TKT: variants seen among roughly 807,000 people sequenced by gnomAD.
TKT encodes epididymis luminal protein 107.
TKT carries 47 observed loss-of-function variants against 63.9 expected under a neutral mutation model. That is an observed-to-expected ratio of 0.74 (90% confidence interval 0.58 to 0.94). The LOEUF (loss-of-function observed/expected upper bound fraction) is 0.94, where lower values mean the gene tolerates loss of function less well. TKT is among the 40% of genes least tolerant of loss of function. TKT has a pLI of 0.00. For synonymous variants in TKT, 338 were observed against 334.1 expected (o/e 1.01, Z -0.13); for missense variants, 721 against 846.2 (o/e 0.85, Z 1.84).
At chr3:53,234,886 G>T (rs1183410304) in intron 5 of TKT, 97 bp downstream of exon 5, 3 of 1,296,212 alleles carry the variant, frequency 2.3e-6, no homozygotes, top group Non-Finnish European at 2.1e-6. Flanking sequence ...GGTGCTTAAG[G>T]TCCCAGCTTC....
At chr3:53,236,285 C>A (rs1457865368) in intron 4 of TKT, among the ~76,000 whole-genome samples, 1 of 152,248 alleles carries the variant, frequency 6.6e-6, no homozygotes, top group Non-Finnish European at 1.5e-5. Context: ...GGCCTCCCTG[C>A]CGCAGGGCCA....
intron 12 of TKT, chr3:53,227,196 C>A: frequency 3.9e-6 from 1 of 253,750 alleles, no homozygotes; most frequent in African/African-American, 2.3e-5. Context: ...GAGAAAACAC[C>A]CCAGGTGTCT....
At chr3:53,240,452 CAGA>C (rs1305557257) in intron 3 of TKT, 104 bp from the exon 4 acceptor site, 6 of 1,007,562 alleles carry the variant, frequency 6.0e-6, no homozygotes, top group Non-Finnish European at 7.3e-6. Context: ...CCTTCCTCTG[CAGA>C]AGGTCAGGCC....
At chr3:53,229,507 T>C (rs1230786256) in intron 8 of TKT, 71 bp from the exon 9 acceptor site, 42 of 1,508,790 alleles carry the variant, frequency 2.8e-5, no homozygotes, top group Non-Finnish European at 3.4e-5. Context: ...AGGACCCCTT[T>C]TGTGGAGAAA....
At chr3:53,235,439 G>T in intron 4 of TKT, 1 of 365,962 alleles carries the variant, frequency 2.7e-6, no homozygotes, top group Non-Finnish European at 5.0e-6. Flanking sequence ...AGAGGTCTAG[G>T]ACAACAGGGA....
chr3:53,254,458 T>TCCC (rs1553681975), intron 1 of TKT, among the ~76,000 whole-genome samples: 2,063 of 152,230 alleles, frequency 0.014, 42 homozygotes, highest in African/African-American at 0.047. Flanking sequence ...GAGAACAGGG[T>TCCC]GTCTTAGAGG....
intron 6 of TKT, 196 bp from the exon 7 acceptor site, chr3:53,231,746 C>T (rs1346312584): frequency 5.1e-6 from 3 of 592,642 alleles, no homozygotes; most frequent in African/African-American, 3.7e-5. Context: ...CTCCTACGTG[C>T]CCACCACTCA....
chr3:53,252,289 A>G (rs1705784161), intron 1 of TKT, among the ~76,000 whole-genome samples: 1 of 152,200 alleles, frequency 6.6e-6, no homozygotes, highest in Non-Finnish European at 1.5e-5. Flanking sequence ...CAGAGAGGGA[A>G]CAGTGGGCCT....
intron 1 of TKT, among the ~76,000 whole-genome samples, chr3:53,250,399 C>T (rs782080248): frequency 5.9e-5 from 9 of 152,266 alleles, no homozygotes; most frequent in South Asian, 2.1e-4. Context: ...TCAGCAACAG[C>T]GGGCGGTGGG....
chr3:53,241,201 A>G lies in TKT; in HGVS notation c.270T>C (p.Gly90=). The stretch of plus-strand genomic sequence containing the variant: ...TCAGCAGCTCCGCCTCGGCCAGGAA[A>G]CCAGCTTCAGCCCAGACCGCGTAGA... ...PILYAVWAEA[G]FLAEAELLNL... The change falls in exon 3 of 14, where the codon GGT becomes GGC. Residue 90 remains glycine, a synonymous_variant. Coordinates refer to ENST00000462138, the MANE Select transcript of TKT (RefSeq NM_001064.4). The G allele has an allele frequency of 6.3e-7, 1 of 1,597,630 alleles. No individual in the cohort carries two copies. Among genetic ancestry groups the G allele is most frequent in the Non-Finnish European group, 8.5e-7 (1 of 1,173,826 alleles).
At chr3:53,229,519 C>T in intron 8 of TKT, 83 bp from the exon 9 acceptor site, 1 of 1,438,606 alleles carries the variant, frequency 7.0e-7, no homozygotes, top group South Asian at 1.2e-5. Context: ...GTGGAGAAAG[C>T]CACAATTTGT....
chr3:53,241,384 G>A (rs1705268097), intron 2 of TKT, 139 bp from the exon 3 acceptor site: 1 of 683,774 alleles, frequency 1.5e-6, no homozygotes, highest in African/African-American at 1.9e-5. Context: ...GCAAGTGAAG[G>A]CCACTTCTCC....
At chr3:53,249,069 C>G (rs782811874) in intron 1 of TKT, among the ~76,000 whole-genome samples, 1 of 151,906 alleles carries the variant, frequency 6.6e-6, no homozygotes, top group Non-Finnish European at 1.5e-5. Context: ...CGGGTTCAAG[C>G]GATTCTCATG....
In TKT at chr3:53,235,140, G is replaced by A; in HGVS notation, c.472C>T (p.Leu158=). ...RVYCLLGDGE[L]SEGSVWEAMA... Reference sequence around the variant, plus strand: ...GCCTCCCATACAGAGCCCTCTGACAGCTCCCCGTCTCCCAGCAAGCAATAG... The same window carrying A: ...GCCTCCCATACAGAGCCCTCTGACAACTCCCCGTCTCCCAGCAAGCAATAG... Residue 158 remains leucine, a synonymous_variant, in exon 5 of 14, where the codon CTG becomes TTG. Coordinates refer to ENST00000462138, the MANE Select transcript of TKT (RefSeq NM_001064.4). The A allele has an allele frequency of 3.7e-6, 6 of 1,613,002 alleles. No homozygotes were observed. The highest frequency in any genetic ancestry group is 5.1e-6 in the Non-Finnish European group (6 of 1,179,644).
chr3:53,241,489 G>C (rs1409708240), intron 2 of TKT, among the ~76,000 whole-genome samples: 1 of 152,274 alleles, frequency 6.6e-6, no homozygotes, highest in Non-Finnish European at 1.5e-5. Flanking sequence ...GCACAGCTGT[G>C]AGGCTGGACG....
intron 1 of TKT, among the ~76,000 whole-genome samples, chr3:53,249,729 C>A (rs1245684947): frequency 6.6e-6 from 1 of 152,186 alleles, no homozygotes; most frequent in East Asian, 1.9e-4. Flanking sequence ...CCCCCATCTG[C>A]AGGTGGGCTC....
chr3:53,251,867 C>T (rs1705761080), intron 1 of TKT, among the ~76,000 whole-genome samples: 1 of 152,116 alleles, frequency 6.6e-6, no homozygotes, highest in Admixed American at 6.5e-5. Flanking sequence ...GGGCCAGGAG[C>T]GGTGGCTCAC....
At chr3:53,241,297 C>G in intron 2 of TKT, 52 bp from the exon 3 acceptor site, 1 of 1,504,446 alleles carries the variant, frequency 6.6e-7, no homozygotes, top group African/African-American at 1.4e-5. Context: ...GGTTCTACTT[C>G]GGGCTGTGCC....
chr3:53,240,174 G>A, intron 4 of TKT, 77 bp downstream of exon 4: 2 of 1,378,244 alleles, frequency 1.5e-6, no homozygotes, highest in Non-Finnish European at 2.0e-6. Flanking sequence ...GAGTCTGGGG[G>A]CGATGGTGAA....
Sources: allele counts gnomAD v4.1 joint callset (sites outside exome capture counted in the v4.1 genomes callset), GRCh38; gene constraint gnomAD v4.1.1; transcripts MANE v1.5; gene names NCBI Gene and HGNC (gene_info 2026-07-23, HGNC 2026-07-21).